GCM1: variants seen among roughly 807,000 people sequenced by gnomAD.
GCM1 encodes the protein GCM transcription factor 1.
A neutral mutation model predicts 25.7 loss-of-function variants in GCM1; 2 were observed. That is an observed-to-expected ratio of 0.08 (90% confidence interval 0.03 to 0.24). The LOEUF (loss-of-function observed/expected upper bound fraction) is 0.24. Among genes scored for constraint, GCM1 ranks in the 10% least tolerant of loss-of-function variants. The pLI is 1.00. For synonymous variants in GCM1, 183 were observed against 195.7 expected, an observed-to-expected ratio of 0.94 and a Z score of 0.54; for missense variants, 395 against 538.7, an observed-to-expected ratio of 0.73 and a Z score of 2.64.
At chr6:53,144,879 C>T (rs1359871908) in intron 2 of GCM1, among the ~76,000 whole-genome samples, 5 of 132,832 alleles carry the variant, frequency 3.8e-5, no homozygotes, top group Admixed American at 8.4e-5. Context: ...AGCACTACTG[C>T]ACTCCAACCT....
Position 53,145,579 on chromosome 6 carries a change from A to G in GCM1, c.54T>C (p.Ile18=). 1 of 1,585,346 alleles carries G rather than the reference A, an allele frequency of 6.3e-7. No individual in the cohort carries two copies. The highest frequency in any genetic ancestry group is 8.7e-7 in the Non-Finnish European group (1 of 1,153,912). ...ATACCTGTGGCAGTTTCACATCATTAATATCCCAGCTTAATATCTCTTTGT... is the reference window on the plus strand; with the variant it reads ...ATACCTGTGGCAGTTTCACATCATTGATATCCCAGCTTAATATCTCTTTGT... ...SEDKEILSWD[I]NDVKLPQNVK... Residue 18 remains isoleucine, a synonymous_variant, in exon 2 of 6, where the codon ATT becomes ATC. Transcript: ENST00000259803.
At chr6:53,139,495 CAA>C (rs58094365) in intron 2 of GCM1, among the ~76,000 whole-genome samples, 73,175 of 105,644 alleles carry the variant, frequency 0.69, 24,603 homozygotes, top group South Asian at 0.81. Flanking sequence ...ACCCCCATCT[CAA>C]AAAAAAAAAA....
intron 1 of GCM1, among the ~76,000 whole-genome samples, chr6:53,147,731 T>A (rs1042842511): frequency 6.6e-6 from 1 of 152,064 alleles, no homozygotes; most frequent in African/African-American, 2.4e-5. Flanking sequence ...GCCCGGCCTG[T>A]TCTTTAGTTA....
intron 3 of GCM1, 93 bp from the exon 4 acceptor site, chr6:53,132,212 G>C (rs934049552): frequency 2.6e-5 from 21 of 793,706 alleles, no homozygotes; most frequent in East Asian, 5.1e-5. Flanking sequence ...CCTGACTCAA[G>C]GACGGCAGAG....
intron 2 of GCM1, among the ~76,000 whole-genome samples, chr6:53,138,833 C>T (rs959539172): frequency 2.0e-5 from 3 of 152,144 alleles, no homozygotes; most frequent in Non-Finnish European, 4.4e-5. Context: ...ATTTAATCCT[C>T]TAACTCAATC....
chr6:53,131,985 G>A (rs558090322), intron 4 of GCM1, 22 bp downstream of exon 4: 9 of 1,338,598 alleles, frequency 6.7e-6, no homozygotes, highest in Admixed American at 5.0e-5. Flanking sequence ...AAACTCTCAC[G>A]TAACTAACTC....
chr6:53,135,190 G>A (rs1478071348), intron 2 of GCM1, among the ~76,000 whole-genome samples: 1 of 152,192 alleles, frequency 6.6e-6, no homozygotes, highest in African/African-American at 2.4e-5. Context: ...TTTGCAAGAT[G>A]AAAAGGTTCT....
rs58094365 is a variant in GCM1 at position 53,139,495 on chromosome 6, CAAAAA to C, written c.76-5176_76-5172del. 3.4e-4 allele frequency among the ~76,000 whole-genome samples: 36 copies of C among 105,808 alleles called. No homozygotes were observed. The East Asian group carries it at 3.6e-3, about 11-fold the overall frequency. 69.4% of individuals were successfully genotyped at this position (105,808 alleles called of 152,430 possible). A position where few individuals can be genotyped will look rare whatever the true frequency, so the allele number is the denominator to read the frequency against. On this transcript the variant is annotated intron_variant, in intron 2 of 5. Coordinates refer to ENST00000259803, the MANE Select transcript of GCM1 (RefSeq NM_003643.4). ...AGGCAAGATAGTAAGACCCCCATCT[CAAAAA>C]AAAAAAAAAAAAAAAAGGGGGAATT...
chr6:53,132,150 C>A (rs570780257), intron 3 of GCM1, 31 bp from the exon 4 acceptor site: 54 of 1,335,012 alleles, frequency 4.0e-5, no homozygotes, highest in Non-Finnish European at 4.9e-5. Flanking sequence ...ATGACCACAC[C>A]TGGCTGAACC....
intron 5 of GCM1, 24 bp downstream of exon 5, chr6:53,130,779 T>C (rs759005714): frequency 1.9e-6 from 3 of 1,602,264 alleles, no homozygotes; most frequent in South Asian, 1.1e-5. Flanking sequence ...CTGCATGTAT[T>C]GAACATACAT....
intron 2 of GCM1, among the ~76,000 whole-genome samples, chr6:53,144,491 G>A (rs1763925250): frequency 6.6e-6 from 1 of 151,962 alleles, no homozygotes; most frequent in Admixed American, 6.6e-5. Context: ...TGCATGTATG[G>A]TATTTCCAAA....
At chr6:53,138,384 T>C (rs760929569) in intron 2 of GCM1, among the ~76,000 whole-genome samples, 32 of 152,120 alleles carry the variant, frequency 2.1e-4, no homozygotes, top group Non-Finnish European at 5.9e-5. Flanking sequence ...GGGCCATTTA[T>C]TCATGCCTAG....
Position 53,145,602 on chromosome 6 carries a change from T to C in GCM1, c.31A>G (p.Lys11Glu), listed in dbSNP as rs779834876. 24 of 1,601,890 alleles carry C rather than the reference T, an allele frequency of 1.5e-5. No homozygotes were observed. The highest frequency in any genetic ancestry group is 1.9e-5 in the Non-Finnish European group (22 of 1,169,058). MEPDDFDSED[K>E]EILSWDINDV... ...TTAATATCCCAGCTTAATATCTCTT[T>C]GTCTTCAGAATCAAAGTCGTCAGGT... The change falls in exon 2 of 6, where the codon AAA (lysine) becomes GAA (glutamate). Residue 11 changes from lysine (K) to glutamate (E), a missense_variant. By Grantham distance (56) the Lys-to-Glu change is moderately conservative. This residue lies in a region of GCM1 where 44 missense variants were observed against 60.8 expected (regional missense o/e 0.72). Coordinates refer to ENST00000259803, the MANE Select transcript of GCM1 (RefSeq NM_003643.4).
intron 2 of GCM1, among the ~76,000 whole-genome samples, chr6:53,135,729 A>G (rs1033323927): frequency 6.6e-6 from 1 of 152,262 alleles, no homozygotes; most frequent in African/African-American, 2.4e-5. Context: ...AGATTCTAGA[A>G]GGTCCAGAAG....
chr6:53,130,629 A>G (rs534447947), intron 5 of GCM1, among the ~76,000 whole-genome samples, 174 bp downstream of exon 5: 2 of 152,352 alleles, frequency 1.3e-5, no homozygotes, highest in Non-Finnish European at 2.9e-5. Flanking sequence ...GATGGTAGAA[A>G]GTAAGAGTAA....
chr6:53,131,983 A>C (rs1285052365), intron 4 of GCM1, 24 bp downstream of exon 4: 7 of 1,302,480 alleles, frequency 5.4e-6, no homozygotes, highest in Non-Finnish European at 6.7e-6. Flanking sequence ...TGAAACTCTC[A>C]CGTAACTAAC....
intron 2 of GCM1, 84 bp from the exon 3 acceptor site, chr6:53,134,408 A>G: frequency 7.6e-7 from 1 of 1,321,742 alleles, no homozygotes; most frequent in Non-Finnish European, 1.1e-6. Context: ...GATAGGAAGG[A>G]TGTTTTGGCA....
At chr6:53,147,576 G>A (rs901481806) in intron 1 of GCM1, among the ~76,000 whole-genome samples, 2 of 151,416 alleles carry the variant, frequency 1.3e-5, no homozygotes, top group African/African-American at 4.9e-5. Context: ...TTACAGGCAC[G>A]CACCACCACA....
At chr6:53,139,977 C>A (rs545090417) in intron 2 of GCM1, among the ~76,000 whole-genome samples, 1 of 152,130 alleles carries the variant, frequency 6.6e-6, no homozygotes, top group Non-Finnish European at 1.5e-5. Flanking sequence ...TCTCTTTTCG[C>A]TTCCCTTTTC....
Sources: allele counts gnomAD v4.1 joint callset (sites outside exome capture counted in the v4.1 genomes callset), GRCh38; gene constraint gnomAD v4.1.1; regional missense constraint gnomAD v4.1.1; transcripts MANE v1.5; gene names NCBI Gene and HGNC (gene_info 2026-07-23, HGNC 2026-07-21).